KCNIP1: variants seen among roughly 807,000 people sequenced by gnomAD.
KCNIP1 encodes the protein A-type potassium channel modulatory protein KCNIP1.
Under a neutral mutation model 33.0 loss-of-function variants are expected in KCNIP1, and 18 were observed. That is an observed-to-expected ratio of 0.55 (90% CI 0.38 to 0.81). The LOEUF (loss-of-function observed/expected upper bound fraction) is 0.81. KCNIP1 is among the 30% of genes least tolerant of loss of function. The probability of loss-of-function intolerance (pLI) is 0.00; values close to 1 mark genes in which losing one functional copy is unlikely to be tolerated. For synonymous variants in KCNIP1, 93 were observed against 98.3 expected, an observed-to-expected ratio of 0.95 and a Z score of 0.32; for missense variants, 238 against 271.6, an observed-to-expected ratio of 0.88 and a Z score of 0.87.
chr5:170,398,810 G>C (rs375284436), intron 1 of KCNIP1, among the ~76,000 whole-genome samples: 1 of 152,178 alleles, frequency 6.6e-6, no homozygotes, highest in Non-Finnish European at 1.5e-5. Context: ...ATTATAAACA[G>C]GTTATTCTGT....
Position 170,489,584 on chromosome 5 carries a change from G to A in KCNIP1, c.88+135620G>A, listed in dbSNP as rs1053998500. Among the ~76,000 whole-genome samples the A allele has an allele frequency of 1.3e-5, 2 of 152,174 alleles. No individual in the cohort carries two copies. Among genetic ancestry groups the A allele is most frequent in the South Asian group, 2.1e-4 (1 of 4,832 alleles). ...CTTCAGACAGTTCTGAGCAGACCAC[G>A]CAAAATACAACTGTGATGTTATTTG... On this transcript the variant is annotated intron_variant, in intron 1 of 7. Transcript: ENST00000377360. This position sits in a 1 kb window ranked among gnomAD's most constrained non-coding sequence, Gnocchi z 4.3.
intron 1 of KCNIP1, among the ~76,000 whole-genome samples, chr5:170,579,056 A>C (rs1443368679): frequency 6.6e-6 from 1 of 152,208 alleles, no homozygotes; most frequent in African/African-American, 2.4e-5. Flanking sequence ...GTAACAAACC[A>C]TCCAAACCTC....
chr5:170,415,127 C>A (rs1016793120), intron 1 of KCNIP1, among the ~76,000 whole-genome samples: 3 of 152,158 alleles, frequency 2.0e-5, no homozygotes, highest in Non-Finnish European at 4.4e-5. Flanking sequence ...TGTGAGTAGA[C>A]GCCATGATAA....
intron 1 of KCNIP1, among the ~76,000 whole-genome samples, chr5:170,686,230 C>G (rs1244847512): frequency 6.6e-6 from 1 of 152,138 alleles, no homozygotes; most frequent in Non-Finnish European, 1.5e-5. Flanking sequence ...CATAATATTT[C>G]TCTCTCCAGA....
chr5:170,357,332 C>T (rs1406332681), intron 1 of KCNIP1, among the ~76,000 whole-genome samples: 1 of 152,164 alleles, frequency 6.6e-6, no homozygotes, highest in Non-Finnish European at 1.5e-5. Flanking sequence ...AGATAAAGCT[C>T]CCTGCCTATT....
intron 1 of KCNIP1, among the ~76,000 whole-genome samples, chr5:170,430,844 GC>G (rs1290272742): frequency 6.6e-6 from 1 of 152,170 alleles, no homozygotes; most frequent in Non-Finnish European, 1.5e-5. Context: ...ACTGATCTCA[GC>G]CCTTCTCTTA....
chr5:170,420,804 T>C (rs1381600391), intron 1 of KCNIP1, among the ~76,000 whole-genome samples: 2 of 135,790 alleles, frequency 1.5e-5, no homozygotes, highest in Non-Finnish European at 3.4e-5. Context: ...TACTGCGTCT[T>C]CTTCTTCTCC....
At chr5:170,627,180 T>C (rs768466913) in intron 1 of KCNIP1, among the ~76,000 whole-genome samples, 6 of 152,214 alleles carry the variant, frequency 3.9e-5, no homozygotes, top group Non-Finnish European at 7.3e-5. Context: ...GCTGGGTCTC[T>C]GGCCATTCTC....
intron 1 of KCNIP1, among the ~76,000 whole-genome samples, chr5:170,478,955 A>G (rs1256866777): frequency 6.6e-6 from 1 of 152,164 alleles, no homozygotes; most frequent in Non-Finnish European, 1.5e-5. Context: ...TTGCTCCCAA[A>G]TGTTTCAATC....
chr5:170,560,314 C>G (rs1267903725), intron 1 of KCNIP1, among the ~76,000 whole-genome samples: 2 of 152,178 alleles, frequency 1.3e-5, no homozygotes, highest in African/African-American at 2.4e-5. Context: ...TGGGCTGGCT[C>G]TTGGCTGAGA....
intron 1 of KCNIP1, among the ~76,000 whole-genome samples, chr5:170,542,087 A>G (rs1581299240): frequency 6.6e-6 from 1 of 152,220 alleles, no homozygotes; most frequent in African/African-American, 2.4e-5. Flanking sequence ...CATACGCCCA[A>G]AAGTCAAACT....
At chr5:170,521,964 G>A (rs1755378730) in intron 1 of KCNIP1, among the ~76,000 whole-genome samples, 1 of 152,172 alleles carries the variant, frequency 6.6e-6, no homozygotes, top group South Asian at 2.1e-4. Context: ...CTACATCTAG[G>A]TGAAAGGGGA....
chr5:170,639,460 T>C (rs1247458755), intron 1 of KCNIP1: 1 of 152,244 alleles, frequency 6.6e-6, no homozygotes, highest in Non-Finnish European at 1.5e-5. Context: ...GAGGGCCGGC[T>C]CTGAGGACTT....
chr5:170,495,327 G>A (rs919381716), intron 1 of KCNIP1, among the ~76,000 whole-genome samples: 5 of 152,190 alleles, frequency 3.3e-5, no homozygotes, highest in African/African-American at 4.8e-5. Context: ...TTCCTGGACC[G>A]CACCACTGTT....
chr5:170,353,931 A>T, exon 1 of KCNIP1: 1 of 1,614,198 alleles, frequency 6.2e-7, no homozygotes. Flanking sequence ...TGCCCAGACC[A>T]TCTTTAAGCT....
intron 1 of KCNIP1, among the ~76,000 whole-genome samples, chr5:170,700,964 C>A (rs926874255): frequency 6.6e-6 from 1 of 152,124 alleles, no homozygotes; most frequent in Non-Finnish European, 1.5e-5. Flanking sequence ...ATAAACACAA[C>A]AACAAAACAC....
At chr5:170,420,180 G>T (rs1755444973) in intron 1 of KCNIP1, among the ~76,000 whole-genome samples, 1 of 152,222 alleles carries the variant, frequency 6.6e-6, no homozygotes, top group South Asian at 2.1e-4. Flanking sequence ...TGAACTGTGT[G>T]GGTCCGCTTA....
At position 170,669,576 on chromosome 5, in the gene KCNIP1, A is replaced by T. The variant is rs968444624; in HGVS notation, c.62-49182A>T. On this transcript the variant is annotated intron_variant, in intron 1 of 7. Transcript: ENST00000328939. The stretch of plus-strand genomic sequence containing the variant: ...AGTAGCAGGCTTCCAGCAGCAGGGG[A>T]TGGAGTGAGTGTGTGGATACCGCTG... 5.0e-5 allele frequency: 49 copies of T among 985,076 alleles called. No homozygotes were observed. The African/African-American group carries it at 6.3e-4, about 13-fold the overall frequency. 61.0% of individuals were successfully genotyped at this position (985,076 alleles called of 1,614,324 possible).
chr5:170,572,542 G>A lies in KCNIP1; in HGVS notation c.61+67909G>A, dbSNP rs535239077. ...GCGCTTAAAAGATCAAGGCATACGT[G>A]GTGTGCAGAAATCACTCGCACATTG... On this transcript the variant is annotated intron_variant, in intron 1 of 7. Transcript: ENST00000328939. Among the ~76,000 whole-genome samples, 195 of 152,266 alleles carry A rather than the reference G, an allele frequency of 1.3e-3. 1 individual carries two copies. The highest frequency in any genetic ancestry group is 4.6e-3 in the African/African-American group (193 of 41,538).
Sources: gnomAD v4.1 joint callset for allele counts (sites outside exome capture counted in the v4.1 genomes callset) on GRCh38, gnomAD v4.1.1 for gene constraint, Gnocchi (gnomAD v3.1) non-coding constraint, MANE v1.5 for transcripts, NCBI Gene and HGNC (gene_info 2026-07-23, HGNC 2026-07-21) for gene names.